Variants in FRMD4A observed in about 807,000 individuals in gnomAD.
The protein encoded by FRMD4A is FERM domain containing 4A.
A neutral mutation model predicts 129.1 loss-of-function variants in FRMD4A; 29 were observed. That is an observed-to-expected ratio of 0.22 (90% CI 0.17 to 0.31). FRMD4A has a LOEUF of 0.31. FRMD4A is among the 10% of genes least tolerant of loss of function. FRMD4A has a pLI of 1.00. For synonymous variants in FRMD4A, 634 were observed against 571.6 expected (o/e 1.11, Z -1.56); for missense variants, 1,272 against 1,375.8 (o/e 0.92, Z 1.19).
chr10:14,059,050 T>C (rs148252029), intron 2 of FRMD4A, among the ~76,000 whole-genome samples: 89 of 152,288 alleles, frequency 5.8e-4, no homozygotes, highest in African/African-American at 2.0e-3. Context: ...ACCTTCTTTA[T>C]CCAGCCATTT....
At chr10:13,679,838 C>G (rs2084377997) in intron 15 of FRMD4A, among the ~76,000 whole-genome samples, 2 of 152,064 alleles carry the variant, frequency 1.3e-5, no homozygotes, top group African/African-American at 4.8e-5. Context: ...ACGTGGCCAC[C>G]AAGGCAAGAG....
chr10:13,931,683 A>C (rs1328157051), intron 2 of FRMD4A, among the ~76,000 whole-genome samples: 1 of 151,534 alleles, frequency 6.6e-6, no homozygotes, highest in Non-Finnish European at 1.5e-5. Flanking sequence ...CATGCTTGTA[A>C]TCCCAGCACT....
chr10:13,989,657 C>G (rs1292487708), intron 2 of FRMD4A, among the ~76,000 whole-genome samples: 1 of 152,156 alleles, frequency 6.6e-6, no homozygotes, highest in Non-Finnish European at 1.5e-5. Flanking sequence ...AATACATGGA[C>G]AGGTACAGCT....
intron 2 of FRMD4A, among the ~76,000 whole-genome samples, chr10:14,049,528 A>G (rs1297580470): frequency 6.6e-6 from 1 of 152,192 alleles, no homozygotes; most frequent in East Asian, 1.9e-4. Context: ...CATAATTCAT[A>G]ATGTCGTAAA....
intron 2 of FRMD4A, among the ~76,000 whole-genome samples, chr10:13,894,993 C>T (rs571253601): frequency 1.3e-5 from 2 of 152,264 alleles, no homozygotes; most frequent in African/African-American, 4.8e-5. Flanking sequence ...TATTGCCTAC[C>T]TTGTAGGGCT....
intron 3 of FRMD4A, among the ~76,000 whole-genome samples, chr10:13,843,733 G>C (rs1463292401): frequency 6.6e-6 from 1 of 152,160 alleles, no homozygotes; most frequent in Non-Finnish European, 1.5e-5. Flanking sequence ...CCTGACCTCA[G>C]GTGATCTACC....
chr10:14,220,811 TTTG>T (rs765367472), intron 2 of FRMD4A, among the ~76,000 whole-genome samples: 63,023 of 110,828 alleles, frequency 0.57, 15,184 homozygotes, highest in Non-Finnish European at 0.66. Flanking sequence ...TGTGTGTGTG[TTTG>T]TGTGTGTGTG....
At chr10:13,814,606 AAGAAAG>A (rs2093507373) in intron 3 of FRMD4A, among the ~76,000 whole-genome samples, 1 of 132,012 alleles carries the variant, frequency 7.6e-6, no homozygotes, top group African/African-American at 3.0e-5. Flanking sequence ...AAAAAAAAAA[AAGAAAG>A]AAAGGGAAAG....
At chr10:14,007,434 T>A (rs970209524) in intron 2 of FRMD4A, 1 of 152,386 alleles carries the variant, frequency 6.6e-6, no homozygotes, top group African/African-American at 2.4e-5. Context: ...TTATTATTAC[T>A]TTATAGGATT....
chr10:14,194,666 A>G, intron 2 of FRMD4A, among the ~76,000 whole-genome samples: 1 of 152,300 alleles, frequency 6.6e-6, no homozygotes, highest in African/African-American at 2.4e-5. Context: ...TGCTTCAGGA[A>G]ATGTTCATTT....
At chr10:14,213,124 G>C (rs1177560935) in intron 2 of FRMD4A, among the ~76,000 whole-genome samples, 3 of 151,996 alleles carry the variant, frequency 2.0e-5, no homozygotes, top group Admixed American at 6.5e-5. Flanking sequence ...TGTGCTTGGA[G>C]TCCCAGCTCC....
chr10:14,001,500 A>G (rs556648538), intron 2 of FRMD4A, among the ~76,000 whole-genome samples: 50 of 152,310 alleles, frequency 3.3e-4, no homozygotes, highest in African/African-American at 9.9e-4. Flanking sequence ...AAAACTCTGG[A>G]GTGGTACCCA....
intron 2 of FRMD4A, chr10:14,008,162 CTGTGTGTGTGTG>C (rs752913059): frequency 4.3e-4 from 271 of 630,188 alleles, no homozygotes; most frequent in African/African-American, 1.2e-3. Context: ...TGGTGTACAG[CTGTGTGTGTGTG>C]TGTGTGTGTG....
intron 2 of FRMD4A, among the ~76,000 whole-genome samples, chr10:14,177,231 T>C (rs544010557): frequency 6.6e-6 from 1 of 152,174 alleles, no homozygotes; most frequent in East Asian, 1.9e-4. Context: ...AAAGTATCGC[T>C]CTGTTGCCCG....
At chr10:13,910,230 G>A (rs1432546229) in intron 2 of FRMD4A, among the ~76,000 whole-genome samples, 1 of 152,232 alleles carries the variant, frequency 6.6e-6, no homozygotes, top group Admixed American at 6.5e-5. Context: ...GGACTTTGAT[G>A]CTTCAATTTG....
chr10:14,309,533 A>T (rs908611303), intron 2 of FRMD4A, among the ~76,000 whole-genome samples: 2 of 152,154 alleles, frequency 1.3e-5, no homozygotes, highest in East Asian at 3.9e-4. Flanking sequence ...AGAACTTCAG[A>T]GGTTAAGGCT....
chr10:13,971,998 T>C (rs2095521439), intron 2 of FRMD4A: 4 of 1,180,782 alleles, frequency 3.4e-6, no homozygotes, highest in African/African-American at 3.2e-5. Context: ...CAGAGACTGC[T>C]TTCCTTCAAG....
intron 2 of FRMD4A, among the ~76,000 whole-genome samples, chr10:13,932,535 A>G (rs1187210485): frequency 1.3e-5 from 2 of 152,126 alleles, no homozygotes; most frequent in African/African-American, 4.8e-5. Context: ...TTTCTAAGGA[A>G]GTGACTTACA....
At chr10:13,919,053 C>T (rs920681194) in intron 2 of FRMD4A, among the ~76,000 whole-genome samples, 2 of 151,998 alleles carry the variant, frequency 1.3e-5, no homozygotes, top group Non-Finnish European at 2.9e-5. Flanking sequence ...AGTTAGATGC[C>T]TAGGGGAAGG....
Sources: allele counts gnomAD v4.1 joint callset (sites outside exome capture counted in the v4.1 genomes callset), GRCh38; gene constraint gnomAD v4.1.1; transcripts MANE v1.5; gene names NCBI Gene and HGNC (gene_info 2026-07-23, HGNC 2026-07-21).